CCDC178: variants seen among roughly 807,000 people sequenced by gnomAD.
CCDC178 encodes coiled-coil domain containing 178, also known as coiled-coil domain-containing protein 178.
A neutral mutation model predicts 117.4 loss-of-function variants in CCDC178; 126 were observed. The ratio of observed to expected loss-of-function variants is 1.07; its 90% CI spans 0.93 to 1.24. CCDC178 has a LOEUF of 1.24. Ranked by LOEUF, CCDC178 falls within the 50% of genes most tolerant of loss-of-function variation. The probability of loss-of-function intolerance (pLI) is 0.00; values close to 1 mark genes in which losing one functional copy is unlikely to be tolerated. For missense variants in CCDC178, 1,030 were observed against 986.9 expected, an observed-to-expected ratio of 1.04 and a Z score of -0.59; for synonymous variants, 283 against 313.4, an observed-to-expected ratio of 0.90 and a Z score of 1.02.
intron 21 of CCDC178, among the ~76,000 whole-genome samples, chr18:33,080,133 A>G (rs1314255603): frequency 6.6e-6 from 1 of 152,188 alleles, no homozygotes; most frequent in African/African-American, 2.4e-5. Flanking sequence ...GGGAATGTGG[A>G]TGGAGCTGGA....
At chr18:33,084,775 C>T (rs542836297) in intron 21 of CCDC178, among the ~76,000 whole-genome samples, 3 of 150,746 alleles carry the variant, frequency 2.0e-5, no homozygotes, top group Non-Finnish European at 4.4e-5. Flanking sequence ...TGCGCCACTG[C>T]ACTCCAGCCT....
At chr18:33,053,312 C>T (rs1446798892) in intron 21 of CCDC178, among the ~76,000 whole-genome samples, 1 of 152,110 alleles carries the variant, frequency 6.6e-6, no homozygotes, top group Non-Finnish European at 1.5e-5. Context: ...GGTCTAATGT[C>T]ACCTAGATAA....
At chr18:33,021,782 T>C (rs184852268) in intron 21 of CCDC178, among the ~76,000 whole-genome samples, 2 of 152,320 alleles carry the variant, frequency 1.3e-5, no homozygotes, top group Non-Finnish European at 1.5e-5. Flanking sequence ...TCTACTCCTA[T>C]TTGAACTTTT....
chr18:33,339,010 A>G (rs150052297), intron 9 of CCDC178, among the ~76,000 whole-genome samples: 427 of 152,302 alleles, frequency 2.8e-3, no homozygotes, highest in African/African-American at 9.6e-3. Context: ...AGATTCCATA[A>G]GAAATCACAG....
intron 21 of CCDC178, among the ~76,000 whole-genome samples, chr18:33,022,772 A>G (rs2056148520): frequency 6.6e-6 from 1 of 152,156 alleles, no homozygotes; most frequent in Non-Finnish European, 1.5e-5. Flanking sequence ...GTCTAAGTAT[A>G]TCAATTAGAA....
chr18:32,947,349 C>T (rs2054379787), intron 22 of CCDC178, among the ~76,000 whole-genome samples: 1 of 152,098 alleles, frequency 6.6e-6, no homozygotes, highest in Admixed American at 6.6e-5. Context: ...AGTTTCTTAC[C>T]ATCCTAGCCA....
chr18:33,421,577 C>A (rs929070592), intron 2 of CCDC178, among the ~76,000 whole-genome samples: 12 of 152,090 alleles, frequency 7.9e-5, no homozygotes, highest in African/African-American at 2.9e-4. Context: ...GTCTTGAGAG[C>A]TAGTTGTTAA....
At chr18:33,254,920 A>G (rs954920409) in intron 14 of CCDC178, among the ~76,000 whole-genome samples, 7 of 152,024 alleles carry the variant, frequency 4.6e-5, no homozygotes, top group East Asian at 1.9e-4. Flanking sequence ...CTGATCCCCA[A>G]TGTGACAGTG....
chr18:33,109,989 G>A lies in CCDC178; in HGVS notation c.2239-17079C>T, dbSNP rs192638340. Reference sequence around the variant, plus strand: ...TGACATATGCATATGTTCAGCTCTAGTTGATAGCGCCAACATTTAAAAAAA... The same window carrying A: ...TGACATATGCATATGTTCAGCTCTAATTGATAGCGCCAACATTTAAAAAAA... On this transcript the variant is annotated intron_variant, in intron 20 of 22. Coordinates refer to ENST00000383096, the MANE Select transcript of CCDC178 (RefSeq NM_001105528.4). 4.1e-3 allele frequency among the ~76,000 whole-genome samples: 622 copies of A among 151,332 alleles called. 2 individuals carry two copies. The highest frequency in any genetic ancestry group is 7.5e-3 in the Admixed American group (114 of 15,122).
chr18:33,304,906 A>G (rs975745568), intron 11 of CCDC178, among the ~76,000 whole-genome samples: 1 of 152,186 alleles, frequency 6.6e-6, no homozygotes, highest in Non-Finnish European at 1.5e-5. Flanking sequence ...CAGAAAAGAC[A>G]TAAACATTCC....
chr18:33,300,133 C>T (rs1027543239), intron 11 of CCDC178, among the ~76,000 whole-genome samples: 3 of 152,094 alleles, frequency 2.0e-5, no homozygotes, highest in Admixed American at 6.5e-5. Flanking sequence ...GCCCTTCCTC[C>T]CTCTCTCTTT....
chr18:33,419,435 G>C (rs1292252279), intron 2 of CCDC178, among the ~76,000 whole-genome samples: 2 of 152,120 alleles, frequency 1.3e-5, no homozygotes, highest in Non-Finnish European at 2.9e-5. Flanking sequence ...TGACAAATGG[G>C]AGCTAATTGA....
At chr18:33,109,282 A>G (rs2057748882) in intron 20 of CCDC178, among the ~76,000 whole-genome samples, 1 of 151,698 alleles carries the variant, frequency 6.6e-6, no homozygotes, top group Non-Finnish European at 1.5e-5. Context: ...TAACACAAGG[A>G]GAATAAACTT....
At chr18:33,032,125 C>T (rs1408288363) in intron 21 of CCDC178, among the ~76,000 whole-genome samples, 1 of 152,072 alleles carries the variant, frequency 6.6e-6, no homozygotes, top group Non-Finnish European at 1.5e-5. Flanking sequence ...ATAATGTAGG[C>T]CTCTGGGGTG....
At chr18:33,210,999 CTT>C (rs2059100701) in intron 20 of CCDC178, among the ~76,000 whole-genome samples, 1 of 151,566 alleles carries the variant, frequency 6.6e-6, no homozygotes, top group South Asian at 2.1e-4. Context: ...TCCAAATAGT[CTT>C]TAAAAAAAAG....
chr18:33,309,711 TTG>T (rs1405062801), intron 11 of CCDC178, among the ~76,000 whole-genome samples: 1 of 152,084 alleles, frequency 6.6e-6, no homozygotes, highest in Non-Finnish European at 1.5e-5. Flanking sequence ...GTTCTGTAAG[TTG>T]TGTCTTATTG....
At chr18:33,305,203 G>A (rs2062232115) in intron 11 of CCDC178, among the ~76,000 whole-genome samples, 1 of 152,172 alleles carries the variant, frequency 6.6e-6, no homozygotes, top group South Asian at 2.1e-4. Context: ...CCAGTAACTG[G>A]CATGTAAGGG....
intron 2 of CCDC178, among the ~76,000 whole-genome samples, chr18:33,436,095 C>T (rs2064286610): frequency 1.3e-5 from 2 of 152,010 alleles, no homozygotes; most frequent in African/African-American, 2.4e-5. Context: ...GGAATTTTGA[C>T]ATTAAAGTCA....
chr18:33,304,395 T>C (rs1010417530), intron 11 of CCDC178, among the ~76,000 whole-genome samples: 5 of 152,212 alleles, frequency 3.3e-5, no homozygotes, highest in Non-Finnish European at 7.3e-5. Flanking sequence ...TCTCAATACA[T>C]GGCAGCTTGA....
Sources: allele counts gnomAD v4.1 joint callset (sites outside exome capture counted in the v4.1 genomes callset), GRCh38; gene constraint gnomAD v4.1.1; transcripts MANE v1.5; gene names NCBI Gene and HGNC (gene_info 2026-07-23, HGNC 2026-07-21).